ELFN2: variants seen among roughly 807,000 people sequenced by gnomAD.
The protein encoded by ELFN2 is protein phosphatase 1 regulatory subunit 29.
ELFN2 carries 17 observed loss-of-function variants against 45.5 expected under a neutral mutation model. The observed-to-expected ratio is 0.37, with a 90% CI of 0.26 to 0.56. The LOEUF (loss-of-function observed/expected upper bound fraction) is 0.56. Among genes scored for constraint, ELFN2 ranks in the 20% least tolerant of loss-of-function variants. ELFN2 has a pLI of 0.77. For synonymous variants in ELFN2, 550 were observed against 551.5 expected, an observed-to-expected ratio of 1.00 and a Z score of 0.04; for missense variants, 922 against 1,183.2, an observed-to-expected ratio of 0.78 and a Z score of 3.24.
In ELFN2 at chr22:37,374,367, TG is replaced by T; in HGVS notation, c.1167del (p.Ser390AlafsTer10). 6.2e-7 allele frequency: 1 copy of T among 1,614,010 alleles called. No homozygotes were observed. Among genetic ancestry groups the T allele is most frequent in the Non-Finnish European group, 8.5e-7 (1 of 1,179,982 alleles). On this transcript the variant is annotated frameshift_variant, in exon 3 of 3. Coordinates refer to ENST00000402918, the MANE Select transcript of ELFN2 (RefSeq NM_052906.5). LOFTEE classifies it high-confidence loss of function. ...TRDPVPGDLA[P>X]STSTTTHYIM... ...ATGTAGTGGGTGGTGGTGGAGGTGC[TG>T]GGCGCCAAGTCTCCGGGGACGGGGT... is the stretch of plus-strand genomic sequence containing the variant.
intron 2 of ELFN2, among the ~76,000 whole-genome samples, chr22:37,416,189 G>C (rs1932757943): frequency 6.6e-6 from 1 of 152,216 alleles, no homozygotes; most frequent in East Asian, 1.9e-4. Context: ...GCAGCTTCCT[G>C]TTTTTAGTAA....
chr22:37,356,508 A>C (rs965667351), intron 1 of ELFN2, among the ~76,000 whole-genome samples: 6 of 152,204 alleles, frequency 3.9e-5, no homozygotes, highest in Non-Finnish European at 7.3e-5. Context: ...GTAGTTTGAA[A>C]GTTTTGAAAC....
chr22:37,396,109 C>T (rs762201047), intron 2 of ELFN2, among the ~76,000 whole-genome samples: 22 of 152,292 alleles, frequency 1.4e-4, no homozygotes, highest in Middle Eastern at 3.4e-3. Context: ...TCAGGCACAC[C>T]GTGGAAAACA....
intron 2 of ELFN2, among the ~76,000 whole-genome samples, chr22:37,408,388 G>A (rs915460397): frequency 2.0e-5 from 3 of 152,256 alleles, no homozygotes; most frequent in African/African-American, 7.2e-5. Context: ...TGGGGCCTTG[G>A]CAGCGGCCCA....
chr22:37,387,205 GC>G (rs1289038166), intron 2 of ELFN2, among the ~76,000 whole-genome samples: 1 of 151,998 alleles, frequency 6.6e-6, no homozygotes, highest in African/African-American at 2.4e-5. Flanking sequence ...TGATGTCCAG[GC>G]CCCCCAATAG....
At chr22:37,413,186 A>C (rs1343641077) in intron 2 of ELFN2, among the ~76,000 whole-genome samples, 1 of 152,040 alleles carries the variant, frequency 6.6e-6, no homozygotes, top group Admixed American at 6.5e-5. Flanking sequence ...CTTCTGCCCT[A>C]GGGGGATAAG....
chr22:37,378,732 G>A (rs1406786158), intron 2 of ELFN2, among the ~76,000 whole-genome samples: 2 of 152,254 alleles, frequency 1.3e-5, no homozygotes, highest in African/African-American at 4.8e-5. Context: ...CCATCGTGCT[G>A]TCCCAGGGGC....
At chr22:37,402,434 GC>G (rs1172976673) in intron 2 of ELFN2, among the ~76,000 whole-genome samples, 3 of 152,216 alleles carry the variant, frequency 2.0e-5, no homozygotes, top group African/African-American at 7.2e-5. Flanking sequence ...CGTGCGCCTT[GC>G]AGTGACCCGG....
intron 2 of ELFN2, among the ~76,000 whole-genome samples, chr22:37,392,913 T>A (rs541262536): frequency 6.6e-6 from 1 of 152,356 alleles, no homozygotes; most frequent in East Asian, 1.9e-4. Context: ...CCATTAATCA[T>A]TCAGACACAC....
At chr22:37,365,838 G>GA (rs1206679210), downstream of ELFN2, among the ~76,000 whole-genome samples, 1 of 152,128 alleles carries the variant, frequency 6.6e-6, no homozygotes, top group East Asian at 1.9e-4. Context: ...CTTCACCCCA[G>GA]AAAAAATAAC....
intron 2 of ELFN2, among the ~76,000 whole-genome samples, chr22:37,387,823 G>C (rs1013381605): frequency 6.6e-6 from 1 of 151,784 alleles, no homozygotes; most frequent in Non-Finnish European, 1.5e-5. Flanking sequence ...CCTTCCCAAG[G>C]CTTCTAATGT....
chr22:37,394,245 C>T (rs559012613), intron 2 of ELFN2, among the ~76,000 whole-genome samples: 46 of 152,360 alleles, frequency 3.0e-4, no homozygotes, highest in African/African-American at 1.1e-3. Flanking sequence ...GTGTCTGCTG[C>T]CGCCCCTCCG....
chr22:37,355,949 G>C (rs1366928600), intron 1 of ELFN2, among the ~76,000 whole-genome samples: 2 of 152,222 alleles, frequency 1.3e-5, no homozygotes, highest in Non-Finnish European at 2.9e-5. Flanking sequence ...TGTGCAGCTT[G>C]CTGAAGAAAT....
At chr22:37,403,037 C>T (rs1932404155) in intron 2 of ELFN2, among the ~76,000 whole-genome samples, 1 of 152,134 alleles carries the variant, frequency 6.6e-6, no homozygotes, top group Non-Finnish European at 1.5e-5. Flanking sequence ...CTCCTGCTGG[C>T]ATCGAGCAGA....
chr22:37,424,038 C>T (rs1932830000), intron 1 of ELFN2, among the ~76,000 whole-genome samples: 1 of 152,152 alleles, frequency 6.6e-6, no homozygotes, highest in Non-Finnish European at 1.5e-5. Flanking sequence ...TGCTAAGAAG[C>T]GTCAGGTTTC....
chr22:37,415,514 G>A (rs1932751165), intron 2 of ELFN2, among the ~76,000 whole-genome samples: 1 of 152,238 alleles, frequency 6.6e-6, no homozygotes, highest in Admixed American at 6.5e-5. Flanking sequence ...CTGTCAGAAG[G>A]CTCTCTGCCT....
intron 1 of ELFN2, among the ~76,000 whole-genome samples, chr22:37,420,700 T>A (rs1441706128): frequency 7.5e-6 from 1 of 133,232 alleles, no homozygotes; most frequent in Non-Finnish European, 1.7e-5. Flanking sequence ...GCAACAGGAA[T>A]GATGCAGAGG....
At chr22:37,387,679 G>A (rs1006183081) in intron 2 of ELFN2, among the ~76,000 whole-genome samples, 3 of 152,008 alleles carry the variant, frequency 2.0e-5, no homozygotes, top group African/African-American at 7.3e-5. Flanking sequence ...TTGCTTTCCC[G>A]CGACCTCCCA....
chr22:37,418,723 C>G (rs891858099), intron 1 of ELFN2: 1 of 152,396 alleles, frequency 6.6e-6, no homozygotes, highest in Admixed American at 6.5e-5. Context: ...CCCTCGCCCT[C>G]GGCACACCCT....
Sources: allele counts gnomAD v4.1 joint callset (sites outside exome capture counted in the v4.1 genomes callset), GRCh38; gene constraint gnomAD v4.1.1; transcripts MANE v1.5; gene names NCBI Gene and HGNC (gene_info 2026-07-23, HGNC 2026-07-21).